Variants in VSTM4 observed in about 807,000 individuals in gnomAD.
The protein encoded by VSTM4 is V-set and transmembrane domain-containing protein 4.
VSTM4 carries 20 observed loss-of-function variants against 36.4 expected under a neutral mutation model. The ratio of observed to expected loss-of-function variants is 0.55; its 90% CI spans 0.39 to 0.80. The LOEUF is 0.80. VSTM4 is among the 30% of genes least tolerant of loss of function. The pLI, the probability that VSTM4 is intolerant of heterozygous loss-of-function variation, is 0.00. For synonymous variants in VSTM4, 182 were observed against 173.9 expected, an observed-to-expected ratio of 1.05 and a Z score of -0.37; for missense variants, 392 against 404.5, an observed-to-expected ratio of 0.97 and a Z score of 0.26.
Position 49,115,445 on chromosome 10 carries a change from C to A in VSTM4, c.41G>T (p.Arg14Leu), listed in dbSNP as rs1173011752. 2 of 1,044,378 alleles carry A rather than the reference C, an allele frequency of 1.9e-6. No homozygotes were observed. The highest frequency in any genetic ancestry group is 2.3e-6 in the Non-Finnish European group (2 of 862,656). The allele number at this position is 1,044,378 out of a possible 1,614,324, so 64.7% of individuals were successfully genotyped here. A position where few individuals can be genotyped will look rare whatever the true frequency, so the allele number is the denominator to read the frequency against. The change falls in exon 1 of 8, where the codon CGG (arginine) becomes CTG (leucine). Residue 14 changes from arginine to leucine, a missense_variant. Physicochemically the swap from Arg to Leu is moderately radical, Grantham distance 102 (BLOSUM62 -2). Coordinates refer to ENST00000332853, the MANE Select transcript of VSTM4 (RefSeq NM_001031746.5). Reference sequence around the variant, plus strand: ...GCCGCGCTTACCCGGAGCCGGAGCCCGCGCCAGCAGCGCGGCCGCCGCCAG... The same window carrying A: ...GCCGCGCTTACCCGGAGCCGGAGCCAGCGCCAGCAGCGCGGCCGCCGCCAG... Reference protein sequence around the residue: ...LALAAAALLARAPAPEVCAAL... With the variant: ...LALAAAALLALAPAPEVCAAL...
chr10:49,092,724 C>G lies in VSTM4; in HGVS notation c.458-6701G>C, dbSNP rs113366139. ...AGACCACTCTGGCCTGCCACGCCCC[C>G]ATCCTGGGCCTATAAAAAGTTGAGA... On this transcript the variant is annotated intron_variant, in intron 2 of 7. Transcript: ENST00000332853. 7.9e-3 allele frequency among the ~76,000 whole-genome samples: 1,198 copies of G among 152,288 alleles called. 36 individuals are homozygous for G. Among genetic ancestry groups the G allele is most frequent in the South Asian group, 0.051 (244 of 4,824 alleles).
chr10:49,093,882 G>A (rs901957263), intron 2 of VSTM4, among the ~76,000 whole-genome samples: 4 of 151,624 alleles, frequency 2.6e-5, no homozygotes, highest in Non-Finnish European at 5.9e-5. Context: ...CAAGTAGCTG[G>A]GACCACAGGT....
Position 49,016,253 on chromosome 10 carries a change from G to C in VSTM4, c.*3397C>G, listed in dbSNP as rs1843103793. 1 of 152,230 alleles carries C rather than the reference G, an allele frequency of 6.6e-6. No individual in the cohort carries two copies. The highest frequency in any genetic ancestry group is 2.4e-5 in the African/African-American group (1 of 41,450). 9.4% of individuals were successfully genotyped at this position (152,230 alleles called of 1,614,324 possible). On this transcript the variant is annotated 3_prime_UTR_variant, in exon 8 of 8. Transcript: ENST00000332853. ...ATTTAAACAGCAGAGTAATTAGAGA[G>C]TTTATGGAAGAGAAGAGTCTGGGGA...
chr10:49,098,211 C>T (rs928224624), intron 2 of VSTM4, among the ~76,000 whole-genome samples: 4 of 152,226 alleles, frequency 2.6e-5, no homozygotes, highest in African/African-American at 4.8e-5. Flanking sequence ...GGCACACAGC[C>T]CTCAGGCCTC....
intron 2 of VSTM4, chr10:49,103,788 G>A (rs761531264): frequency 1.2e-6 from 2 of 1,614,120 alleles, no homozygotes; most frequent in Admixed American, 1.7e-5. Context: ...TGCGGTGAAG[G>A]GCAAAGAGTG....
At chr10:49,101,401 G>A (rs1362880664) in intron 2 of VSTM4, among the ~76,000 whole-genome samples, 1 of 152,068 alleles carries the variant, frequency 6.6e-6, no homozygotes, top group African/African-American at 2.4e-5. Flanking sequence ...AAAAAAGACA[G>A]CAACCCATTT....
chr10:49,036,515 G>A (rs1051220458), intron 7 of VSTM4, among the ~76,000 whole-genome samples: 5 of 152,094 alleles, frequency 3.3e-5, no homozygotes, highest in Non-Finnish European at 4.4e-5. Context: ...GCACATTAAC[G>A]ACAACAAGAG....
intron 3 of VSTM4, among the ~76,000 whole-genome samples, chr10:49,078,477 G>A (rs1564585571): frequency 1.3e-5 from 2 of 149,176 alleles, no homozygotes; most frequent in African/African-American, 5.0e-5. Context: ...ACAAACTATC[G>A]ACACACACAC....
At chr10:49,047,076 G>T in intron 6 of VSTM4, 32 bp from the exon 7 acceptor site, 1 of 1,605,502 alleles carries the variant, frequency 6.2e-7, no homozygotes, top group Non-Finnish European at 8.5e-7. Context: ...TTAGCTTGCA[G>T]TTCCTCCCAG....
intron 4 of VSTM4, among the ~76,000 whole-genome samples, chr10:49,075,786 C>A (rs1844166084): frequency 1.3e-5 from 2 of 152,228 alleles, no homozygotes; most frequent in Admixed American, 6.5e-5. Flanking sequence ...CTTTGTCCAG[C>A]CTGCTCAGCC....
At chr10:49,043,712 C>T (rs1023927374) in intron 7 of VSTM4, among the ~76,000 whole-genome samples, 2 of 152,056 alleles carry the variant, frequency 1.3e-5, no homozygotes, top group African/African-American at 4.8e-5. Context: ...AAATAGAAGG[C>T]ATAAGGTAAA....
In VSTM4 at chr10:49,092,760, G is replaced by A. The variant is rs1025974284; in HGVS notation, c.458-6737C>T. Among the ~76,000 whole-genome samples the A allele has an allele frequency of 2.0e-5, 3 of 152,188 alleles. No homozygotes were observed. In the South Asian group the frequency reaches 6.2e-4, roughly 32 times the overall value. On this transcript the variant is annotated intron_variant, in intron 2 of 7. Transcript: ENST00000332853. The stretch of plus-strand genomic sequence containing the variant: ...TATAAAAAGTTGAGAACCTAGCAAG[G>A]CAGAGACAGACGCAGTCAGACATCG...
chr10:49,062,121 C>A (rs1342858272), intron 5 of VSTM4, among the ~76,000 whole-genome samples: 2 of 152,210 alleles, frequency 1.3e-5, no homozygotes, highest in Non-Finnish European at 2.9e-5. Flanking sequence ...CTTTTGACTT[C>A]TATTTAGGTC....
In VSTM4 at chr10:49,107,509, C is replaced by T. The variant is rs181311291; in HGVS notation, c.457+85G>A. ...ATGTTCTAGTGCAACACAGCCAACC[C>T]GGGAGCCCCTGGGTGGTGGCTGCAA... is the stretch of plus-strand genomic sequence containing the variant. On this transcript the variant is annotated intron_variant, in intron 2 of 7. Coordinates refer to ENST00000332853, the MANE Select transcript of VSTM4 (RefSeq NM_001031746.5). 2,935 of 1,503,192 alleles carry T rather than the reference C, an allele frequency of 2.0e-3. 6 individuals carry two copies. Among genetic ancestry groups the T allele is most frequent in the Non-Finnish European group, 2.4e-3 (2,663 of 1,123,880 alleles). The allele number at this position is 1,503,192 out of a possible 1,614,324, so 93.1% of individuals were successfully genotyped here.
At chr10:49,020,222 A>C (rs1407591332) in intron 7 of VSTM4, among the ~76,000 whole-genome samples, 1 of 152,254 alleles carries the variant, frequency 6.6e-6, no homozygotes, top group Non-Finnish European at 1.5e-5. Flanking sequence ...CTATAATTTC[A>C]AAATATCTTG....
In VSTM4 at chr10:49,015,661, A is replaced by T. The variant is rs1843095041; in HGVS notation, c.*3989T>A. The T allele has an allele frequency of 6.6e-6, 1 of 152,178 alleles. No homozygotes were observed. Among genetic ancestry groups the T allele is most frequent in the Admixed American group, 6.5e-5 (1 of 15,278 alleles). The allele number at this position is 152,178 out of a possible 1,614,324, so 9.4% of individuals were successfully genotyped here. A position where few individuals can be genotyped will look rare whatever the true frequency, so the allele number is the denominator to read the frequency against. Reference sequence around the variant, plus strand: ...CTGGAGTGGGGTCAATGTCCCCGCCATGTGGCTGCCTCACTTTTTAATGGG... The same window carrying T: ...CTGGAGTGGGGTCAATGTCCCCGCCTTGTGGCTGCCTCACTTTTTAATGGG... On this transcript the variant is annotated 3_prime_UTR_variant, in exon 8 of 8. Transcript: ENST00000332853.
At chr10:49,057,484 GAGTA>G (rs1843801105) in intron 5 of VSTM4, among the ~76,000 whole-genome samples, 1 of 152,222 alleles carries the variant, frequency 6.6e-6, no homozygotes, top group Non-Finnish European at 1.5e-5. Context: ...CAGAAAGGCT[GAGTA>G]AGTGGCCCAA....
At chr10:49,099,386 T>C (rs1482989566) in intron 2 of VSTM4, among the ~76,000 whole-genome samples, 2 of 152,264 alleles carry the variant, frequency 1.3e-5, no homozygotes, top group Non-Finnish European at 2.9e-5. Context: ...TTCCTGCCTA[T>C]ATTTCTTACC....
intron 3 of VSTM4, among the ~76,000 whole-genome samples, chr10:49,083,237 G>A (rs1275705288): frequency 1.3e-5 from 2 of 152,082 alleles, no homozygotes; most frequent in Non-Finnish European, 2.9e-5. Flanking sequence ...TCTTGCTCAG[G>A]GTGAAATACC....
Sources: allele counts gnomAD v4.1 joint callset (sites outside exome capture counted in the v4.1 genomes callset), GRCh38; gene constraint gnomAD v4.1.1; transcripts MANE v1.5; gene names NCBI Gene and HGNC (gene_info 2026-07-23, HGNC 2026-07-21).